B3GALT1: variants seen among roughly 807,000 people sequenced by gnomAD.
The protein encoded by B3GALT1 is UDP-Gal:betaGlcNAc beta 1,3-galactosyltransferase, polypeptide 1.
Under a neutral mutation model 23.2 loss-of-function variants are expected in B3GALT1, and 10 were observed. That is an observed-to-expected ratio of 0.43 (90% CI 0.27 to 0.73). The LOEUF is 0.73. Ranked by LOEUF, B3GALT1 falls within the 30% of genes least tolerant of loss-of-function variation. B3GALT1 has a pLI of 0.21. For missense variants in B3GALT1, 299 were observed against 405.4 expected (o/e 0.74, Z 2.25); for synonymous variants, 156 against 141.5 (o/e 1.10, Z -0.73).
At chr2:167,848,452 C>T (rs539285139) in intron 4 of B3GALT1, among the ~76,000 whole-genome samples, 2 of 152,224 alleles carry the variant, frequency 1.3e-5, no homozygotes, top group African/African-American at 4.8e-5. Context: ...TGCAAGTCAA[C>T]AAATGTGATA....
rs568098300 is a variant in B3GALT1, at chr2:167,435,969, ACACACACACACACG to A, written c.-510-54190_-510-54177del. Reference sequence around the variant, plus strand: ...CACACACACAAACACACACACACACACACACACACACACGCACACACACACACGCACTAGTCCAA... The same window carrying A: ...CACACACACAAACACACACACACACACACACACACACACGCACTAGTCCAA... On this transcript the variant is annotated intron_variant, in intron 1 of 4. Transcript: ENST00000392690. 1.2e-3 allele frequency among the ~76,000 whole-genome samples: 143 copies of A among 118,774 alleles called. 1 individual carries two copies. The highest frequency in any genetic ancestry group is 4.2e-3 in the African/African-American group (109 of 25,902). 77.9% of individuals were successfully genotyped at this position (118,774 alleles called of 152,430 possible). A position where few individuals can be genotyped will look rare whatever the true frequency, so the allele number is the denominator to read the frequency against.
At chr2:167,634,122 G>T (rs1558931622) in intron 2 of B3GALT1, among the ~76,000 whole-genome samples, 1 of 152,024 alleles carries the variant, frequency 6.6e-6, no homozygotes, top group Non-Finnish European at 1.5e-5. Context: ...CGAAATTAAG[G>T]CAGAAATAAA....
chr2:167,439,389 A>C (rs1217967261), intron 1 of B3GALT1, among the ~76,000 whole-genome samples: 1 of 151,972 alleles, frequency 6.6e-6, no homozygotes, highest in Non-Finnish European at 1.5e-5. Flanking sequence ...CTAATATGTC[A>C]TTTTGTATTT....
At chr2:167,468,459 C>G (rs1015423398) in intron 1 of B3GALT1, among the ~76,000 whole-genome samples, 7 of 152,012 alleles carry the variant, frequency 4.6e-5, no homozygotes, top group Non-Finnish European at 7.4e-5. Context: ...GAATGTTTTT[C>G]TAAGTAAATA....
chr2:167,408,822 AAAC>A (rs1416174878), intron 1 of B3GALT1, among the ~76,000 whole-genome samples: 3 of 150,728 alleles, frequency 2.0e-5, no homozygotes, highest in Admixed American at 6.6e-5. Context: ...AACAAAAGAC[AAAC>A]AAAAAAAAAA....
intron 2 of B3GALT1, among the ~76,000 whole-genome samples, chr2:167,539,124 A>G (rs1683487701): frequency 6.6e-6 from 1 of 152,182 alleles, no homozygotes; most frequent in Admixed American, 6.5e-5. Context: ...AAGCAGTCCA[A>G]TAAGAGTAAC....
intron 2 of B3GALT1, among the ~76,000 whole-genome samples, chr2:167,587,193 G>A (rs73013367): frequency 0.18 from 27,321 of 151,928 alleles, 2,520 homozygotes; most frequent in Non-Finnish European, 0.19. Context: ...ATTTTTATGC[G>A]TGTTATTTTT....
In B3GALT1 at chr2:167,618,136, A is replaced by G. The variant is rs114306653; in HGVS notation, c.-409-28773A>G. Among the ~76,000 whole-genome samples the G allele has an allele frequency of 9.5e-3, 1,440 of 152,196 alleles. 15 individuals carry two copies. The highest frequency in any genetic ancestry group is 0.035 in the South Asian group (167 of 4,824). ...TTTCCTTCTTGTTACCTGTCCCTCT[A>G]TGAAAATCTCTTCCTTGAACCTTTA... On this transcript the variant is annotated intron_variant, in intron 2 of 4. Transcript: ENST00000392690.
At chr2:167,374,346 T>C (rs539579220) in intron 1 of B3GALT1, among the ~76,000 whole-genome samples, 1 of 152,196 alleles carries the variant, frequency 6.6e-6, no homozygotes, top group Non-Finnish European at 1.5e-5. Flanking sequence ...GTCTTTTTGG[T>C]AGAATGATTT....
intron 4 of B3GALT1, among the ~76,000 whole-genome samples, chr2:167,864,089 A>C (rs1436266171): frequency 2.0e-5 from 3 of 151,972 alleles, no homozygotes; most frequent in Non-Finnish European, 4.4e-5. Context: ...TAACAGTTTC[A>C]GCTTCCCCAC....
In B3GALT1 at chr2:167,478,411, A is replaced by G. The variant is rs183265950; in HGVS notation, c.-510-11766A>G. ...GCCCTTGAGGAAGTCAGTTCCGTCA[A>G]TCATTAGATAGGGGGCTGGACTCGG... On this transcript the variant is annotated intron_variant, in intron 1 of 4. Transcript: ENST00000392690. Among the ~76,000 whole-genome samples, 62 of 152,294 alleles carry G rather than the reference A, an allele frequency of 4.1e-4. 1 individual carries two copies. Among genetic ancestry groups the G allele is most frequent in the African/African-American group, 1.3e-3 (56 of 41,568 alleles).
intron 2 of B3GALT1, among the ~76,000 whole-genome samples, chr2:167,611,805 T>A (rs1431903): frequency 3.0e-4 from 45 of 151,848 alleles, no homozygotes; most frequent in Admixed American, 2.6e-3. Context: ...ACATTACTTT[T>A]GGCCTTAAGG....
chr2:167,476,688 A>G (rs1699491250), intron 1 of B3GALT1, among the ~76,000 whole-genome samples: 1 of 152,168 alleles, frequency 6.6e-6, no homozygotes, highest in South Asian at 2.1e-4. Flanking sequence ...TAGAATTTGA[A>G]AATTCCATCC....
In B3GALT1 at chr2:167,467,823, G is replaced by T. The variant is rs555968529; in HGVS notation, c.-510-22354G>T. ...ATAGTGTGAGATTAATGTATTCATT[G>T]ATTCATTTATTCATTCATTCATTCA... On this transcript the variant is annotated intron_variant, in intron 1 of 4. Transcript: ENST00000392690. Among the ~76,000 whole-genome samples, 3 of 152,196 alleles carry T rather than the reference G, an allele frequency of 2.0e-5. No individual in the cohort carries two copies. In the East Asian group the frequency reaches 5.8e-4, roughly 29 times the overall value.
At chr2:167,603,327 C>T (rs2105425726) in intron 2 of B3GALT1, among the ~76,000 whole-genome samples, 1 of 152,274 alleles carries the variant, frequency 6.6e-6, no homozygotes, top group Non-Finnish European at 1.5e-5. Flanking sequence ...TAAATGCCAA[C>T]TCCATCTTCT....
intron 3 of B3GALT1, among the ~76,000 whole-genome samples, chr2:167,798,462 CA>C (rs1688579888): frequency 6.6e-6 from 1 of 151,972 alleles, no homozygotes; most frequent in African/African-American, 2.4e-5. Flanking sequence ...AATTTTTGTA[CA>C]AGGTATAAGG....
chr2:167,404,866 C>T (rs1193589772), intron 1 of B3GALT1, among the ~76,000 whole-genome samples: 1 of 152,138 alleles, frequency 6.6e-6, no homozygotes, highest in Non-Finnish European at 1.5e-5. Flanking sequence ...TAATTGCTGT[C>T]CCTTTATTTC....
chr2:167,563,431 C>T (rs1472829196), intron 2 of B3GALT1, among the ~76,000 whole-genome samples: 5 of 130,768 alleles, frequency 3.8e-5, no homozygotes, highest in East Asian at 2.5e-4. Context: ...ACCTCCCTCC[C>T]GGACAGGGGC....
At chr2:167,596,047 A>G (rs1001666067) in intron 2 of B3GALT1, among the ~76,000 whole-genome samples, 1 of 152,214 alleles carries the variant, frequency 6.6e-6, no homozygotes, top group African/African-American at 2.4e-5. Flanking sequence ...GGTAGTGGTT[A>G]ATTAGTTTGT....
Sources: allele counts gnomAD v4.1 joint callset (sites outside exome capture counted in the v4.1 genomes callset), GRCh38; gene constraint gnomAD v4.1.1; transcripts MANE v1.5; gene names NCBI Gene and HGNC (gene_info 2026-07-23, HGNC 2026-07-21).